Variants in ABCA2 observed in about 807,000 individuals in gnomAD.
ABCA2 encodes ATP binding cassette subfamily A member 2, also known as ATP-binding cassette sub-family A member 2.
In ABCA2, 84 loss-of-function variants were observed where a neutral mutation model predicts 262.8. The observed-to-expected ratio is 0.32, with a 90% CI of 0.27 to 0.38. ABCA2 has a LOEUF of 0.38. Among genes scored for constraint, ABCA2 ranks in the 10% least tolerant of loss-of-function variants. The pLI, the probability that ABCA2 is intolerant of heterozygous loss-of-function variation, is 1.00. For missense variants in ABCA2, 2,662 were observed against 3,405.9 expected (o/e 0.78, Z 5.44); for synonymous variants, 1,696 against 1,502.9 (o/e 1.13, Z -2.97).
In ABCA2 at chr9:137,014,894, G is replaced by T. The variant is rs377173413; in HGVS notation, c.3882+19C>A. 1.3e-6 allele frequency: 2 copies of T among 1,578,384 alleles called. No individual in the cohort carries two copies. Among genetic ancestry groups the T allele is most frequent in the East Asian group, 4.5e-5 (2 of 44,180 alleles). ...CCTCCACCACCTGCAACTGCCCCCC[G>T]ACCCGTGCGCCCTCACACCTGGAAG... On this transcript the variant is annotated intron_variant, in intron 25 of 48. Transcript: ENST00000341511.
At chr9:137,009,258 C>A (rs1438788532) in intron 45 of ABCA2, 112 bp downstream of exon 45, 11 of 981,010 alleles carry the variant, frequency 1.1e-5, no homozygotes, top group Non-Finnish European at 1.4e-5. Flanking sequence ...GCCCCCAGCC[C>A]CCCTGGCCCC....
Position 137,007,984 on chromosome 9 carries a change from G to A in ABCA2, c.7276-20C>T. 2 of 1,598,424 alleles carry A rather than the reference G, an allele frequency of 1.3e-6. No individual in the cohort carries two copies. Among genetic ancestry groups the A allele is most frequent in the African/African-American group, 1.3e-5 (1 of 74,864 alleles). On this transcript the variant is annotated intron_variant, in intron 48 of 48. Transcript: ENST00000341511. ...CTGGGCCTGTGCACAGGGGAGGTCAGGCTTATGGGGCATCCTGTGCCACCC... is the reference window on the plus strand; with the variant it reads ...CTGGGCCTGTGCACAGGGGAGGTCAAGCTTATGGGGCATCCTGTGCCACCC...
chr9:137,013,387 G>GCCCCGCCC, intron 29 of ABCA2, 69 bp from the exon 30 acceptor site: 3 of 1,183,188 alleles, frequency 2.5e-6, no homozygotes, highest in Non-Finnish European at 3.5e-6. Flanking sequence ...CCCCTCGCCC[G>GCCCCGCCC]CCTGGCCCAC....
intron 3 of ABCA2, chr9:137,023,316 C>G (rs1429652535): frequency 6.0e-6 from 4 of 669,368 alleles, no homozygotes; most frequent in Non-Finnish European, 1.1e-5. Context: ...GCATTCCTTT[C>G]CTTTCAGCCA....
rs200143545 is a variant in ABCA2 at position 137,018,218 on chromosome 9, G to T, written c.1953C>A (p.Gly651=). The T allele has an allele frequency of 6.2e-7, 1 of 1,611,198 alleles. No homozygotes were observed. Among genetic ancestry groups the T allele is most frequent in the Non-Finnish European group, 8.5e-7 (1 of 1,179,760 alleles). ...RAYWRPGPNT[G]GRFYFLYGFV... ...AGCCGTAGAGGAAGTAGAAGCGGCCGCCAGTATTGGGCCCAGGCCGCCAGT... is the reference window on the plus strand; with the variant it reads ...AGCCGTAGAGGAAGTAGAAGCGGCCTCCAGTATTGGGCCCAGGCCGCCAGT... Residue 651 remains glycine (G), a synonymous_variant, in exon 14 of 49, where the codon GGC becomes GGA. Coordinates refer to ENST00000341511, the MANE Select transcript of ABCA2 (RefSeq NM_001606.5).
At position 137,010,281 on chromosome 9, in the gene ABCA2, C is replaced by T. The variant is rs1371527813; in HGVS notation, c.6265G>A (p.Val2089Ile). The part of the protein sequence containing the change: ...RPGECFGLLG[V>I]NGAGKTSTFK... The stretch of plus-strand genomic sequence containing the variant: ...GTGCTGGTCTTGCCCGCACCGTTGA[C>T]GCCCAGGAGCCCGAAGCACTCGCCA... The change falls in exon 41 of 49, where the codon GTC becomes ATC. Residue 2089 changes from valine (V) to isoleucine (I), a missense_variant. Transcript: ENST00000341511. 14 of 1,596,048 alleles carry T rather than the reference C, an allele frequency of 8.8e-6. No individual in the cohort carries two copies. The highest frequency in any genetic ancestry group is 1.7e-5 in the Admixed American group (1 of 57,982).
chr9:137,008,295 A>G, intron 48 of ABCA2, 121 bp downstream of exon 48: 1 of 1,170,532 alleles, frequency 8.5e-7, no homozygotes, highest in Non-Finnish European at 1.2e-6. Context: ...TGCCCCCTTG[A>G]CCTCTGGACA....
Position 137,021,627 on chromosome 9 carries a change from G to A in ABCA2, c.679-17C>T, listed in dbSNP as rs1269524594. The A allele has an allele frequency of 1.3e-6, 2 of 1,543,506 alleles. No individual in the cohort carries two copies. The highest frequency in any genetic ancestry group is 2.4e-5 in the East Asian group (1 of 40,912). On this transcript the variant is annotated splice_polypyrimidine_tract_variant and intron_variant, in intron 7 of 48. Transcript: ENST00000341511. This position sits in a 1 kb window ranked among gnomAD's most constrained non-coding sequence, Gnocchi z 6.0. ...CAGCAGCTCCTGGGATGGGCACAGG[G>A]GTCCGTGGAGCCACGGCAAGGACTT... is the stretch of plus-strand genomic sequence containing the variant.
chr9:137,023,101 G>C, intron 3 of ABCA2, 49 bp from the exon 4 acceptor site: 1 of 1,401,226 alleles, frequency 7.1e-7, no homozygotes. Context: ...AGGGGAGAGA[G>C]AGAGAGAGGA....
At chr9:137,009,287 C>T (rs1215430008) in intron 45 of ABCA2, 83 bp downstream of exon 45, 15 of 1,287,918 alleles carry the variant, frequency 1.2e-5, no homozygotes, top group Non-Finnish European at 1.4e-5. Context: ...CACAGCCCTG[C>T]AGCCACCCCC....
In ABCA2 at chr9:137,023,831, CACTT is replaced by C. The variant is rs1564232219; in HGVS notation, c.163+3_163+6del. ...GGCCAGCCAGGAGGAGGTGGCCGCTCACTTACAGACTGCATGCCAGCCGAGGACA... is the reference window on the plus strand; with the variant it reads ...GGCCAGCCAGGAGGAGGTGGCCGCTCACAGACTGCATGCCAGCCGAGGACA... On this transcript the variant is annotated splice_donor_5th_base_variant and intron_variant, in intron 3 of 48. Coordinates refer to ENST00000341511, the MANE Select transcript of ABCA2 (RefSeq NM_001606.5). The C allele has an allele frequency of 1.3e-6, 1 of 790,040 alleles. No homozygotes were observed. The highest frequency in any genetic ancestry group is 1.9e-5 in the Admixed American group (1 of 53,880). The allele number at this position is 790,040 out of a possible 1,614,324, so 48.9% of individuals were successfully genotyped here. A position where few individuals can be genotyped will look rare whatever the true frequency, so the allele number is the denominator to read the frequency against.
At chr9:137,012,966 GC>G in intron 30 of ABCA2, 35 bp downstream of exon 30, 1 of 1,480,522 alleles carries the variant, frequency 6.8e-7, no homozygotes. Context: ...ACCCCTCACT[GC>G]CCCTGCCCCC....
At position 137,015,015 on chromosome 9, in the gene ABCA2, C is replaced by A; in HGVS notation, c.3780G>T (p.Lys1260Asn). The A allele has an allele frequency of 6.2e-7, 1 of 1,605,758 alleles. No homozygotes were observed. The highest frequency in any genetic ancestry group is 8.5e-7 in the Non-Finnish European group (1 of 1,176,268). The change falls in exon 25 of 49, where the codon AAG becomes AAT. Residue 1260 changes from lysine (K) to asparagine (N), a missense_variant. Physicochemically the swap from Lys to Asn is moderately conservative, Grantham distance 94 (BLOSUM62 0). This residue lies in a region of ABCA2 where 297 missense variants were observed against 286.5 expected (regional missense o/e 1.04). Coordinates refer to ENST00000341511, the MANE Select transcript of ABCA2 (RefSeq NM_001606.5). ...SELQVSQFIR[K>N]HVASCLLVSD... ...AGACCAGCAGGCAGGAGGCCACATGCTTGCGGATGAACTGGGACACCTGGA... is the reference window on the plus strand; with the variant it reads ...AGACCAGCAGGCAGGAGGCCACATGATTGCGGATGAACTGGGACACCTGGA...
chr9:137,018,819 G>A lies in ABCA2; in HGVS notation c.1723-4C>T, dbSNP rs1831354902. The A allele has an allele frequency of 6.2e-7, 1 of 1,612,664 alleles. No individual in the cohort carries two copies. The highest frequency in any genetic ancestry group is 1.3e-5 in the African/African-American group (1 of 75,010). ...CCTTGAAGATGTCCACGCTCACCTA[G>A]CGGGAGGGGCATCGCTGGAGCCCGC... On this transcript the variant is annotated splice_polypyrimidine_tract_variant and splice_region_variant and intron_variant, in intron 12 of 48. Transcript: ENST00000341511.
chr9:137,016,045 G>C lies in ABCA2; in HGVS notation c.3234C>G (p.Asp1078Glu). The C allele has an allele frequency of 6.2e-7, 1 of 1,612,734 alleles. No homozygotes were observed. ...AGAGGTGTTCCTCCACCGTGAGCCG[G>C]TCAAAGAGCACATTGTGCTGCGGGC... Reference protein sequence around the residue: ...GMCPQHNVLFDRLTVEEHLWF... With the variant: ...GMCPQHNVLFERLTVEEHLWF... Residue 1078 changes from aspartate to glutamate, a missense_variant, in exon 22 of 49, where the codon GAC (aspartate) becomes GAG (glutamate). Physicochemically the swap from Asp to Glu is conservative, Grantham distance 45 (BLOSUM62 2). Transcript: ENST00000341511.
At chr9:137,009,119 C>A in intron 45 of ABCA2, 66 bp from the exon 46 acceptor site, 1 of 1,500,374 alleles carries the variant, frequency 6.7e-7, no homozygotes. Context: ...CCCCCAGCCT[C>A]CCAGCCCTAC....
rs1264312182 is a variant in ABCA2 at position 137,007,473 on chromosome 9, G to A, written c.*456C>T. ...ACCTCCCTGCAGGAGAGCAGGGCCA[G>A]AGGAGCCTCTTCTCAAAGCAAAATA... On this transcript the variant is annotated 3_prime_UTR_variant, in exon 49 of 49. Coordinates refer to ENST00000341511, the MANE Select transcript of ABCA2 (RefSeq NM_001606.5). 1 of 176,378 alleles carries A rather than the reference G, an allele frequency of 5.7e-6. No individual in the cohort carries two copies. Among genetic ancestry groups the A allele is most frequent in the Admixed American group, 5.5e-5 (1 of 18,170 alleles). 10.9% of individuals were successfully genotyped at this position (176,378 alleles called of 1,614,324 possible). A position where few individuals can be genotyped will look rare whatever the true frequency, so the allele number is the denominator to read the frequency against.
intron 3 of ABCA2, chr9:137,023,293 C>T: frequency 1.5e-6 from 1 of 648,286 alleles, no homozygotes; most frequent in South Asian, 1.7e-5. Flanking sequence ...CCCCTTCTGC[C>T]ATAACTCCCA....
chr9:137,014,514 G>A lies in ABCA2; in HGVS notation c.4004-110C>T, dbSNP rs1033119798. On this transcript the variant is annotated intron_variant, in intron 26 of 48. Coordinates refer to ENST00000341511, the MANE Select transcript of ABCA2 (RefSeq NM_001606.5). Reference sequence around the variant, plus strand: ...AGTTCCCAGGCTCATACACCTGTCCGGGACCTCTGGCCACCAGGACCACCC... The same window carrying A: ...AGTTCCCAGGCTCATACACCTGTCCAGGACCTCTGGCCACCAGGACCACCC... 8.9e-5 allele frequency: 129 copies of A among 1,442,060 alleles called. 1 individual carries two copies. In the East Asian group the frequency reaches 1.8e-3, roughly 20 times the overall value. 89.3% of individuals were successfully genotyped at this position (1,442,060 alleles called of 1,614,324 possible).
Sources: gnomAD v4.1 joint callset for allele counts on GRCh38, gnomAD v4.1.1 for gene constraint, gnomAD v4.1.1 regional missense constraint, Gnocchi (gnomAD v3.1) non-coding constraint, MANE v1.5 for transcripts, NCBI Gene and HGNC (gene_info 2026-07-23, HGNC 2026-07-21) for gene names.